The following WDPCP variants were observed in gnomAD, a reference collection of about 807,000 sequenced individuals.
WDPCP encodes WD repeat-containing and planar cell polarity effector protein fritz homolog.
In WDPCP, 71 loss-of-function variants were observed where a neutral mutation model predicts 93.1. The observed-to-expected ratio is 0.76, with a 90% CI of 0.63 to 0.93. The LOEUF (loss-of-function observed/expected upper bound fraction) is 0.93. WDPCP is among the 40% of genes least tolerant of loss of function. The pLI is 0.00. For synonymous variants in WDPCP, 315 were observed against 315.0 expected (o/e 1.00, Z 0.00); for missense variants, 844 against 887.4 (o/e 0.95, Z 0.62).
chr2:63,603,149 G>A (rs1709460082), intron 3 of WDPCP, among the ~76,000 whole-genome samples: 1 of 151,736 alleles, frequency 6.6e-6, no homozygotes, highest in South Asian at 2.1e-4. Flanking sequence ...TAGTAGAGAC[G>A]GGGCTTCACC....
rs1669260021 is a variant in WDPCP at position 63,711,339 on chromosome 2, G to C, written n.309-60501C>G. Reference sequence around the variant, plus strand: ...TTTCACATATAGTTGAAACCACTTTGAGAGAGGTGAATTTCCAGCAAGTGG... The same window carrying C: ...TTTCACATATAGTTGAAACCACTTTCAGAGAGGTGAATTTCCAGCAAGTGG... On this transcript the variant is annotated intron_variant and non_coding_transcript_variant, in intron 2 of 4. Transcript: ENST00000467687. Among the ~76,000 whole-genome samples the C allele has an allele frequency of 2.0e-5, 3 of 152,332 alleles. No individual in the cohort carries two copies. In the South Asian group the frequency reaches 6.2e-4, roughly 32 times the overall value.
At chr2:63,331,918 T>A (rs1022924844) in intron 12 of WDPCP, among the ~76,000 whole-genome samples, 5 of 151,292 alleles carry the variant, frequency 3.3e-5, no homozygotes, top group African/African-American at 1.2e-4. Flanking sequence ...AGCTAGCTTT[T>A]AAAAAAAAAT....
chr2:63,465,405 T>C (rs1699281872), intron 6 of WDPCP, among the ~76,000 whole-genome samples: 1 of 152,096 alleles, frequency 6.6e-6, no homozygotes, highest in African/African-American at 2.4e-5. Flanking sequence ...GAAGTGACAG[T>C]CACATTAGGT....
At chr2:63,575,886 C>G (rs1051186586) in intron 1 of WDPCP, among the ~76,000 whole-genome samples, 3 of 152,014 alleles carry the variant, frequency 2.0e-5, no homozygotes, top group Admixed American at 2.0e-4. Flanking sequence ...TAGACTAACT[C>G]TGGCATTTTA....
intron 14 of WDPCP, among the ~76,000 whole-genome samples, chr2:63,240,352 A>C (rs750746205): frequency 7.9e-5 from 12 of 151,944 alleles, no homozygotes; most frequent in Non-Finnish European, 1.8e-4. Context: ...TAGCTTTAAA[A>C]TTTTTGGTAG....
At chr2:63,756,009 AT>A (rs1558903091) in intron 2 of WDPCP, among the ~76,000 whole-genome samples, 1 of 152,250 alleles carries the variant, frequency 6.6e-6, no homozygotes, top group African/African-American at 2.4e-5. Context: ...GAACCAAAAG[AT>A]TTTTTAATTA....
intron 8 of WDPCP, among the ~76,000 whole-genome samples, chr2:63,435,947 A>G (rs562558316): frequency 6.6e-6 from 1 of 152,060 alleles, no homozygotes; most frequent in South Asian, 2.1e-4. Flanking sequence ...CCCAAACGCT[A>G]GATGTCTTTT....
At chr2:63,240,942 G>C (rs780512826) in intron 14 of WDPCP, among the ~76,000 whole-genome samples, 14 of 152,070 alleles carry the variant, frequency 9.2e-5, no homozygotes, top group Non-Finnish European at 1.9e-4. Flanking sequence ...TAGTAATCTA[G>C]TATTTCAGAA....
intron 13 of WDPCP, among the ~76,000 whole-genome samples, chr2:63,285,552 G>A (rs1318128585): frequency 6.6e-6 from 1 of 151,330 alleles, no homozygotes; most frequent in Non-Finnish European, 1.5e-5. Flanking sequence ...AAGATAGGTA[G>A]AAATAATAGA....
chr2:63,585,758 G>A (rs1287623337), intron 1 of WDPCP, among the ~76,000 whole-genome samples: 1 of 150,782 alleles, frequency 6.6e-6, no homozygotes, highest in Non-Finnish European at 1.5e-5. Context: ...AAAACATTAA[G>A]ATGAATGAGT....
chr2:63,742,504 G>A (rs1240268413), intron 2 of WDPCP, among the ~76,000 whole-genome samples: 5 of 151,430 alleles, frequency 3.3e-5, no homozygotes, highest in Admixed American at 2.6e-4. Context: ...AGAATTTATC[G>A]TGCCCTGCCT....
At chr2:63,532,457 A>C (rs1305118843) in intron 1 of WDPCP, among the ~76,000 whole-genome samples, 1 of 152,168 alleles carries the variant, frequency 6.6e-6, no homozygotes, top group Non-Finnish European at 1.5e-5. Context: ...GGCAGCCAGA[A>C]AGAAAGGTCG....
chr2:63,322,823 A>G (rs1257981312), intron 12 of WDPCP, among the ~76,000 whole-genome samples: 1 of 152,054 alleles, frequency 6.6e-6, no homozygotes, highest in Non-Finnish European at 1.5e-5. Context: ...CCTATTGCCA[A>G]GTGGTGAGTA....
intron 1 of WDPCP, among the ~76,000 whole-genome samples, chr2:63,552,338 ATTAT>A (rs1257341418): frequency 6.6e-6 from 1 of 151,904 alleles, no homozygotes; most frequent in Non-Finnish European, 1.5e-5. Flanking sequence ...ATGCATAAAA[ATTAT>A]TTAATTTTAA....
chr2:63,806,709 T>C (rs1212363555), intron 2 of WDPCP, among the ~76,000 whole-genome samples: 1 of 152,160 alleles, frequency 6.6e-6, no homozygotes, highest in East Asian at 1.9e-4. Context: ...GCGCATTCTC[T>C]TTCTCAGGGA....
the WDPCP span, among the ~76,000 whole-genome samples, chr2:63,833,858 A>G: frequency 6.6e-6 from 1 of 152,234 alleles, no homozygotes; most frequent in Non-Finnish European, 1.5e-5. Context: ...TCAGTTTACT[A>G]AGCAATGAAC....
chr2:63,552,194 T>A (rs1177132157), intron 1 of WDPCP, among the ~76,000 whole-genome samples: 1 of 150,332 alleles, frequency 6.7e-6, no homozygotes, highest in Non-Finnish European at 1.5e-5. Flanking sequence ...TTCACTAGTA[T>A]CAATATTTAC....
At chr2:63,340,023 T>C (rs1334465388) in intron 12 of WDPCP, among the ~76,000 whole-genome samples, 1 of 152,246 alleles carries the variant, frequency 6.6e-6, no homozygotes, top group East Asian at 1.9e-4. Flanking sequence ...GATTTTTACT[T>C]AGTCCTTTTG....
intron 1 of WDPCP, among the ~76,000 whole-genome samples, chr2:63,547,312 G>A (rs1210233365): frequency 6.6e-6 from 1 of 152,042 alleles, no homozygotes; most frequent in Admixed American, 6.6e-5. Context: ...CACTGCTGGT[G>A]GGAACATAAA....
Sources: allele counts gnomAD v4.1 joint callset (sites outside exome capture counted in the v4.1 genomes callset), GRCh38; gene constraint gnomAD v4.1.1; transcripts MANE v1.5; gene names NCBI Gene and HGNC (gene_info 2026-07-23, HGNC 2026-07-21).